MECR: variants seen among roughly 807,000 people sequenced by gnomAD.
MECR encodes the protein mitochondrial trans-2-enoyl-CoA reductase, also known as enoyl-[acyl-carrier-protein] reductase, mitochondrial.
A neutral mutation model predicts 49.1 loss-of-function variants in MECR; 37 were observed. The ratio of observed to expected loss-of-function variants is 0.75; its 90% CI spans 0.58 to 0.99. MECR has a LOEUF of 0.99. Among genes scored for constraint, MECR ranks in the 50% least tolerant of loss-of-function variants. The pLI is 0.00. For synonymous variants in MECR, 198 were observed against 191.1 expected, an observed-to-expected ratio of 1.04 and a Z score of -0.30; for missense variants, 470 against 479.6, an observed-to-expected ratio of 0.98 and a Z score of 0.19.
At chr1:29,223,109 C>T (rs912378497) in intron 1 of MECR, 13 of 985,344 alleles carry the variant, frequency 1.3e-5, no homozygotes, top group African/African-American at 1.7e-5. Flanking sequence ...CCAACCCAGC[C>T]TGGCTAGATC....
chr1:29,190,113 G>T (rs575556395), downstream of MECR, among the ~76,000 whole-genome samples: 3 of 152,066 alleles, frequency 2.0e-5, no homozygotes, highest in South Asian at 6.2e-4. Flanking sequence ...GGTGGCTCAC[G>T]CCTGTAATCC....
chr1:29,175,808 G>A, the MECR span, among the ~76,000 whole-genome samples: 4 of 149,004 alleles, frequency 2.7e-5, no homozygotes, highest in African/African-American at 4.9e-5. Context: ...ATTCAAACAC[G>A]CTTTTAAACA....
At chr1:29,181,694 C>A in the MECR span, 1 of 1,596,230 alleles carries the variant, frequency 6.3e-7, no homozygotes, top group Non-Finnish European at 8.5e-7. Context: ...CTTAAAGAAG[C>A]GCTCCACATC....
At position 29,194,167 on chromosome 1, in the gene MECR, T is replaced by C; in HGVS notation, c.977A>G (p.Glu326Gly). Residue 326 changes from glutamate (E) to glycine (G), a missense_variant, in exon 10 of 10, where the codon GAG (glutamate) becomes GGG (glycine). Transcript: ENST00000263702. ...GAGATCGCACAGTGTGAGGATCAGCTCCTTGAACTGGTCTGCGGGAGGTTG... is the reference window on the plus strand; with the variant it reads ...GAGATCGCACAGTGTGAGGATCAGCCCCTTGAACTGGTCTGCGGGAGGTTG... The part of the protein sequence containing the change: ...KKDHSPDQFK[E>G]LILTLCDLIR... 6.2e-7 allele frequency: 1 copy of C among 1,608,076 alleles called. No homozygotes were observed. Among genetic ancestry groups the C allele is most frequent in the Admixed American group, 1.7e-5 (1 of 58,952 alleles).
chr1:29,178,476 T>C, the MECR span, among the ~76,000 whole-genome samples: 1 of 151,992 alleles, frequency 6.6e-6, no homozygotes, highest in African/African-American at 2.4e-5. Flanking sequence ...CTCGAGTAGC[T>C]GGGACTACAG....
At position 29,201,917 on chromosome 1, in the gene MECR, G is replaced by A. The variant is rs756724986; in HGVS notation, c.756+26C>T. ...TTCAGGGAGATGTGCGTGGACTGGA[G>A]GGGCAATGTCCCTCTTCCTAGGTAC... On this transcript the variant is annotated intron_variant, in intron 6 of 9. Transcript: ENST00000263702. This position sits in a 1 kb window ranked among gnomAD's most constrained non-coding sequence, Gnocchi z 4.3. 5 of 1,552,892 alleles carry A rather than the reference G, an allele frequency of 3.2e-6. No individual in the cohort carries two copies. The highest frequency in any genetic ancestry group is 1.1e-5 in the South Asian group (1 of 89,910).
At chr1:29,200,819 C>T (rs1209884282) in intron 6 of MECR, among the ~76,000 whole-genome samples, 2 of 152,046 alleles carry the variant, frequency 1.3e-5, no homozygotes, top group African/African-American at 2.4e-5. Context: ...GACAGGGTCT[C>T]GCTCTGTTAC....
intron 3 of MECR, among the ~76,000 whole-genome samples, chr1:29,208,112 C>T (rs920554694): frequency 2.0e-5 from 3 of 152,114 alleles, no homozygotes; most frequent in Non-Finnish European, 4.4e-5. Flanking sequence ...CCTGCCTCAG[C>T]CTCCCGAATA....
At chr1:29,228,611 C>T (rs1441947420) in intron 1 of MECR, among the ~76,000 whole-genome samples, 3 of 151,982 alleles carry the variant, frequency 2.0e-5, no homozygotes, top group South Asian at 2.1e-4. Context: ...CCATCGCGCC[C>T]GGTTGGAAGT....
At chr1:29,216,442 G>T in intron 2 of MECR, 146 bp downstream of exon 2, 1 of 887,070 alleles carries the variant, frequency 1.1e-6, no homozygotes, top group Non-Finnish European at 1.8e-6. Flanking sequence ...AGGCCAGACA[G>T]GGCTGACACA....
At chr1:29,181,897 ACGCAGCTCGCGAGCG>A in the MECR span, 8 of 546,416 alleles carry the variant, frequency 1.5e-5, no homozygotes, top group Non-Finnish European at 2.3e-5. Flanking sequence ...GTACGCGAGC[ACGCAGCTCGCGAGCG>A]CGCGCTTCCA....
chr1:29,219,080 A>T (rs1340239769), intron 1 of MECR, among the ~76,000 whole-genome samples: 2 of 152,142 alleles, frequency 1.3e-5, no homozygotes, highest in Admixed American at 1.3e-4. Context: ...TGAAATGAGC[A>T]CAGGCTGGAC....
chr1:29,219,676 T>C (rs894747479), intron 1 of MECR, among the ~76,000 whole-genome samples: 2 of 152,214 alleles, frequency 1.3e-5, no homozygotes, highest in African/African-American at 4.8e-5. Flanking sequence ...TCCAAAACTC[T>C]TGGGGCCATG....
chr1:29,206,075 G>C (rs949047344), intron 4 of MECR, among the ~76,000 whole-genome samples: 16 of 152,198 alleles, frequency 1.1e-4, no homozygotes, highest in African/African-American at 3.9e-4. Flanking sequence ...TTATGAAAGG[G>C]AAGAAGAATA....
rs1673230135 is a variant in MECR at position 29,193,104 on chromosome 1, C to G, written c.*918G>C. 5.7e-6 allele frequency: 1 copy of G among 176,000 alleles called. No individual in the cohort carries two copies. Among genetic ancestry groups the G allele is most frequent in the South Asian group, 1.5e-4 (1 of 6,460 alleles). The allele number at this position is 176,000 out of a possible 1,614,324, so 10.9% of individuals were successfully genotyped here. A position where few individuals can be genotyped will look rare whatever the true frequency, so the allele number is the denominator to read the frequency against. ...GGACTACAGGTGCACAGCACCATAC[C>G]TGGCTAATGTTTGTATTTTTTGTAG... On this transcript the variant is annotated 3_prime_UTR_variant, in exon 10 of 10. Coordinates refer to ENST00000263702, the MANE Select transcript of MECR (RefSeq NM_016011.5).
chr1:29,181,620 G>T, the MECR span: 1 of 1,562,604 alleles, frequency 6.4e-7, no homozygotes. Context: ...TCCCCGCCCG[G>T]CCGGACCCTC....
At chr1:29,181,374 G>A in the MECR span, among the ~76,000 whole-genome samples, 9 of 152,334 alleles carry the variant, frequency 5.9e-5, no homozygotes, top group Non-Finnish European at 1.3e-4. Flanking sequence ...GTGCCCCCCT[G>A]CCCGGAGCAC....
At chr1:29,205,603 G>A (rs905346092) in intron 4 of MECR, among the ~76,000 whole-genome samples, 1 of 151,704 alleles carries the variant, frequency 6.6e-6, no homozygotes, top group Non-Finnish European at 1.5e-5. Context: ...AGGCTGAGGT[G>A]GGCGGATCAC....
downstream of MECR, among the ~76,000 whole-genome samples, chr1:29,192,499 G>C (rs1673181409): frequency 6.6e-6 from 1 of 152,022 alleles, no homozygotes. Context: ...TACTATACTG[G>C]TCAATCTTGC....
Sources: allele counts gnomAD v4.1 joint callset (sites outside exome capture counted in the v4.1 genomes callset), GRCh38; gene constraint gnomAD v4.1.1; non-coding constraint Gnocchi (gnomAD v3.1); transcripts MANE v1.5; gene names NCBI Gene and HGNC (gene_info 2026-07-23, HGNC 2026-07-21).